The following ZNF131 variants were observed in gnomAD, a reference collection of about 807,000 sequenced individuals.
ZNF131 encodes the protein zinc finger protein 131.
Under a neutral mutation model 60.0 loss-of-function variants are expected in ZNF131, and 7 were observed. That is an observed-to-expected ratio of 0.12 (90% CI 0.07 to 0.22). The LOEUF is 0.22. ZNF131 is among the 10% of genes least tolerant of loss of function. The pLI, the probability that ZNF131 is intolerant of heterozygous loss-of-function variation, is 1.00. For missense variants in ZNF131, 493 were observed against 740.9 expected (o/e 0.67, Z 3.88); for synonymous variants, 257 against 253.2 (o/e 1.01, Z -0.14).
Position 43,136,676 on chromosome 5 carries a change from G to A in ZNF131, c.227-2489G>A, listed in dbSNP as rs184779337. On this transcript the variant is annotated intron_variant, in intron 3 of 6. Coordinates refer to ENST00000682664, the MANE Select transcript of ZNF131 (RefSeq NM_001330707.2). ...TTTTTTTTTTTTTTTTAGTAGAGAC[G>A]GAGTTTCACCATATCGACCAGGCTG... is the stretch of plus-strand genomic sequence containing the variant. Among the ~76,000 whole-genome samples, 234 of 139,812 alleles carry A rather than the reference G, an allele frequency of 1.7e-3. 1 individual carries two copies. Among genetic ancestry groups the A allele is most frequent in the African/African-American group, 5.8e-3 (219 of 37,776 alleles). 91.7% of individuals were successfully genotyped at this position (139,812 alleles called of 152,430 possible).
At chr5:43,134,559 A>G (rs1039972721) in intron 3 of ZNF131, among the ~76,000 whole-genome samples, 3 of 152,178 alleles carry the variant, frequency 2.0e-5, no homozygotes, top group African/African-American at 7.2e-5. Context: ...GGAAGGAATC[A>G]ATCTCTTTTT....
chr5:43,142,442 T>G (rs556520628), intron 4 of ZNF131, among the ~76,000 whole-genome samples: 5 of 148,458 alleles, frequency 3.4e-5, no homozygotes, highest in Non-Finnish European at 7.5e-5. Flanking sequence ...TAGCTGTGAT[T>G]ACAGGCTTCC....
chr5:43,142,603 C>CA (rs1359407911), intron 4 of ZNF131, among the ~76,000 whole-genome samples: 9 of 151,990 alleles, frequency 5.9e-5, no homozygotes, highest in African/African-American at 2.2e-4. Flanking sequence ...GGCACCCGGC[C>CA]AAAAATTGGA....
rs79246574 is a variant in ZNF131 at position 43,143,898 on chromosome 5, C to CTTTTTTTTTTTTTTTTT, written c.371+4611_371+4627dup. Reference sequence around the variant, plus strand: ...TAGGTTCTCTGGAATATTGTCAGAGCTTTTTTTTTTTTTTTTTTTTTTTTT... The same window carrying CTTTTTTTTTTTTTTTTT: ...TAGGTTCTCTGGAATATTGTCAGAGCTTTTTTTTTTTTTTTTTTTTTTTTTTTTTTTTTTTTTTTTTT... On this transcript the variant is annotated intron_variant, in intron 4 of 6. Transcript: ENST00000682664. 1.4e-4 allele frequency among the ~76,000 whole-genome samples: 5 copies of CTTTTTTTTTTTTTTTTT among 34,994 alleles called. 1 individual carries two copies. The highest frequency in any genetic ancestry group is 1.2e-3 in the South Asian group (1 of 820). The allele number at this position is 34,994 out of a possible 152,430, so 23.0% of individuals were successfully genotyped here. A position where few individuals can be genotyped will look rare whatever the true frequency, so the allele number is the denominator to read the frequency against.
intron 5 of ZNF131, among the ~76,000 whole-genome samples, chr5:43,167,122 A>C (rs1255544380): frequency 2.6e-5 from 4 of 152,258 alleles, no homozygotes; most frequent in Non-Finnish European, 5.9e-5. Context: ...AACATTTATC[A>C]GTTAAGCTCT....
In ZNF131 at chr5:43,142,143, C is replaced by G. The variant is rs569125943; in HGVS notation, c.371+2834C>G. ...GATCACTAGGTCAGGAGTTCAAGAC[C>G]AGCCTGGCCAAGACGGTGAAACCCC... On this transcript the variant is annotated intron_variant, in intron 4 of 6. Coordinates refer to ENST00000682664, the MANE Select transcript of ZNF131 (RefSeq NM_001330707.2). 1.1e-4 allele frequency among the ~76,000 whole-genome samples: 17 copies of G among 151,872 alleles called. No homozygotes were observed. The East Asian group carries it at 3.2e-3, about 28-fold the overall frequency.
intron 5 of ZNF131, among the ~76,000 whole-genome samples, chr5:43,171,950 C>T (rs972457413): frequency 6.6e-6 from 1 of 152,132 alleles, no homozygotes; most frequent in African/African-American, 2.4e-5. Context: ...GAGATGGGGT[C>T]TCACTATGTT....
intron 3 of ZNF131, among the ~76,000 whole-genome samples, chr5:43,135,367 G>A (rs1745943865): frequency 1.3e-5 from 2 of 152,118 alleles, no homozygotes; most frequent in South Asian, 2.1e-4. Context: ...CATTTATATT[G>A]ACACCATAAA....
In ZNF131 at chr5:43,153,757, C is replaced by T. The variant is rs148501591; in HGVS notation, c.372-7492C>T. On this transcript the variant is annotated intron_variant, in intron 4 of 6. Coordinates refer to ENST00000682664, the MANE Select transcript of ZNF131 (RefSeq NM_001330707.2). ...ATTATCCACGAAGTAGCCAAGAAGA[C>T]ATGATCCCTTTCTAGGGACAGCTAA... Among the ~76,000 whole-genome samples, 395 of 152,320 alleles carry T rather than the reference C, an allele frequency of 2.6e-3. 2 individuals are homozygous for T. Among genetic ancestry groups the T allele is most frequent in the African/African-American group, 9.2e-3 (382 of 41,564 alleles).
At chr5:43,147,011 A>G (rs944869994) in intron 4 of ZNF131, among the ~76,000 whole-genome samples, 1 of 152,180 alleles carries the variant, frequency 6.6e-6, no homozygotes, top group Non-Finnish European at 1.5e-5. Flanking sequence ...TTTGCAGTTG[A>G]TCCTGATCTC....
chr5:43,121,394 G>C (rs1479044707), intron 1 of ZNF131: 1 of 152,630 alleles, frequency 6.6e-6, no homozygotes, highest in Non-Finnish European at 1.5e-5. Flanking sequence ...CCCTTCGTGA[G>C]CGCCAAATCC....
chr5:43,166,340 A>G (rs889628161), intron 5 of ZNF131, among the ~76,000 whole-genome samples: 3 of 150,912 alleles, frequency 2.0e-5, no homozygotes, highest in Admixed American at 1.3e-4. Context: ...CTGCCTTTTG[A>G]TTTGAAGTGA....
chr5:43,122,239 C>G, intron 2 of ZNF131, 62 bp downstream of exon 2: 1 of 1,155,634 alleles, frequency 8.7e-7, no homozygotes, highest in Non-Finnish European at 1.2e-6. Flanking sequence ...GTCCTTCGGA[C>G]ACCCGCCTTT....
At position 43,165,793 on chromosome 5, in the gene ZNF131, A is replaced by G. The variant is rs143929239; in HGVS notation, c.1054+3862A>G. Among the ~76,000 whole-genome samples, 5 of 152,352 alleles carry G rather than the reference A, an allele frequency of 3.3e-5. No individual in the cohort carries two copies. In the East Asian group the frequency reaches 9.6e-4, roughly 29 times the overall value. ...ATCTGTCCTTTAAAGCTTTGAAGCCAGTCATTGACTTCTCCCTAACTATGA... is the reference window on the plus strand; with the variant it reads ...ATCTGTCCTTTAAAGCTTTGAAGCCGGTCATTGACTTCTCCCTAACTATGA... On this transcript the variant is annotated intron_variant, in intron 5 of 6. Coordinates refer to ENST00000682664, the MANE Select transcript of ZNF131 (RefSeq NM_001330707.2).
At chr5:43,155,823 A>T (rs930708037) in intron 4 of ZNF131, among the ~76,000 whole-genome samples, 2 of 152,108 alleles carry the variant, frequency 1.3e-5, no homozygotes, top group African/African-American at 4.8e-5. Context: ...TTACCTGATG[A>T]GTAGGCCTCT....
intron 4 of ZNF131, among the ~76,000 whole-genome samples, chr5:43,148,436 C>G (rs1747896303): frequency 6.6e-6 from 1 of 152,184 alleles, no homozygotes; most frequent in African/African-American, 2.4e-5. Flanking sequence ...CTACTTATGC[C>G]CTGTCTTCAC....
chr5:43,136,303 C>T (rs1746074240), intron 3 of ZNF131, among the ~76,000 whole-genome samples: 1 of 152,036 alleles, frequency 6.6e-6, no homozygotes, highest in African/African-American at 2.4e-5. Context: ...GGATATTCAG[C>T]CTGTATTACA....
chr5:43,174,228 C>T (rs1218938804), intron 6 of ZNF131, among the ~76,000 whole-genome samples: 2 of 152,170 alleles, frequency 1.3e-5, no homozygotes, highest in Admixed American at 1.3e-4. Context: ...GACTTTGTTT[C>T]AAACAAAAGA....
intron 3 of ZNF131, among the ~76,000 whole-genome samples, chr5:43,130,656 C>G (rs566318746): frequency 1.3e-4 from 19 of 151,572 alleles, no homozygotes; most frequent in South Asian, 2.1e-4. Flanking sequence ...CCTCCGCCTC[C>G]CGGGTTCAAG....
Sources: allele counts gnomAD v4.1 joint callset (sites outside exome capture counted in the v4.1 genomes callset), GRCh38; gene constraint gnomAD v4.1.1; transcripts MANE v1.5; gene names NCBI Gene and HGNC (gene_info 2026-07-23, HGNC 2026-07-21).